Variants in C2CD3 observed in about 807,000 individuals in gnomAD.
C2CD3 encodes the protein C2 domain containing 3 centriole elongation regulator, also known as C2 domain-containing protein 3.
A neutral mutation model predicts 234.0 loss-of-function variants in C2CD3; 148 were observed. That is an observed-to-expected ratio of 0.63 (90% confidence interval 0.55 to 0.72). The LOEUF (loss-of-function observed/expected upper bound fraction) is 0.72, where lower values mean the gene tolerates loss of function less well. Among genes scored for constraint, C2CD3 ranks in the 30% least tolerant of loss-of-function variants. The pLI is 0.00. For missense variants in C2CD3, 2,577 were observed against 2,811.5 expected (o/e 0.92, Z 1.89); for synonymous variants, 1,000 against 1,035.4 (o/e 0.97, Z 0.66).
At chr11:74,124,555 T>C (rs1020984580) in intron 7 of C2CD3, among the ~76,000 whole-genome samples, 3 of 151,994 alleles carry the variant, frequency 2.0e-5, no homozygotes, top group Admixed American at 6.6e-5. Flanking sequence ...AAATGTCTCA[T>C]GGGGTTGGGG....
chr11:74,111,529 A>G (rs890887824), intron 11 of C2CD3, among the ~76,000 whole-genome samples: 1 of 152,236 alleles, frequency 6.6e-6, no homozygotes, highest in African/African-American at 2.4e-5. Context: ...CCTATCCCCA[A>G]GATATCTTAT....
chr11:74,042,444 A>G (rs1009559509), intron 28 of C2CD3, among the ~76,000 whole-genome samples: 1 of 152,100 alleles, frequency 6.6e-6, no homozygotes, highest in Non-Finnish European at 1.5e-5. Context: ...CACAACAAGC[A>G]GAGTGATTTT....
rs1049748497 is a variant in C2CD3, at chr11:74,095,496, A to G, written c.2980-88T>C. The G allele has an allele frequency of 3.0e-6, 3 of 995,272 alleles. No homozygotes were observed. In the Admixed American group the frequency reaches 7.0e-5, roughly 23 times the overall value. 61.7% of individuals were successfully genotyped at this position (995,272 alleles called of 1,614,324 possible). ...TTCTCTATGAAGTCTGAGTATAGATAAAGAGATAAGTATAATTAGTTGATA... is the reference window on the plus strand; with the variant it reads ...TTCTCTATGAAGTCTGAGTATAGATGAAGAGATAAGTATAATTAGTTGATA... On this transcript the variant is annotated intron_variant, in intron 16 of 32. Transcript: ENST00000334126.
Position 74,078,330 on chromosome 11 carries a change from A to T in C2CD3, c.4388T>A (p.Ile1463Asn), listed in dbSNP as rs755449364. ...TTTGGATGCCTTGAAAGTGACCATAATCTGCTTTTTGTTTACAGATTCCTT... is the reference window on the plus strand; with the variant it reads ...TTTGGATGCCTTGAAAGTGACCATATTCTGCTTTTTGTTTACAGATTCCTT... ...KPKESVNKKQIMVTFKASKRA... is the reference protein window; with the variant it reads ...KPKESVNKKQNMVTFKASKRA... The change falls in exon 23 of 33, where the codon ATT becomes AAT. Residue 1463 changes from isoleucine to asparagine, a missense_variant. By Grantham distance (149) the Ile-to-Asn change is moderately radical. Coordinates refer to ENST00000334126, the MANE Select transcript of C2CD3 (RefSeq NM_001286577.2). 74 of 1,614,004 alleles carry T rather than the reference A, an allele frequency of 4.6e-5. 1 individual carries two copies. Among genetic ancestry groups the T allele is most frequent in the Non-Finnish European group, 5.8e-5 (68 of 1,180,036 alleles).
chr11:74,120,202 T>C (rs1330636413), intron 8 of C2CD3, among the ~76,000 whole-genome samples: 2 of 152,064 alleles, frequency 1.3e-5, no homozygotes, highest in Non-Finnish European at 2.9e-5. Flanking sequence ...TATGTATACA[T>C]GTGCCATGTT....
chr11:74,146,389 T>C (rs1394663324), intron 3 of C2CD3, among the ~76,000 whole-genome samples: 1 of 152,182 alleles, frequency 6.6e-6, no homozygotes, highest in East Asian at 1.9e-4. Context: ...TTCTTTGTAG[T>C]TGATGAGAAC....
intron 28 of C2CD3, among the ~76,000 whole-genome samples, chr11:74,043,681 T>C (rs982415376): frequency 6.6e-6 from 1 of 152,068 alleles, no homozygotes; most frequent in Non-Finnish European, 1.5e-5. Flanking sequence ...CTAGTGGATA[T>C]AAAGTGGTAC....
intron 32 of C2CD3, among the ~76,000 whole-genome samples, chr11:74,025,298 G>A (rs1455737330): frequency 6.6e-6 from 1 of 152,100 alleles, no homozygotes; most frequent in Non-Finnish European, 1.5e-5. Context: ...AGAGTTGTGA[G>A]TGCGAAGTTT....
chr11:74,149,465 A>T (rs1855450161), intron 3 of C2CD3, among the ~76,000 whole-genome samples: 2 of 151,948 alleles, frequency 1.3e-5, no homozygotes, highest in Admixed American at 1.3e-4. Flanking sequence ...CTTCCTGAGT[A>T]GCTGGGACTG....
intron 32 of C2CD3, among the ~76,000 whole-genome samples, chr11:74,023,243 T>C (rs1952160256): frequency 2.0e-5 from 3 of 152,352 alleles, no homozygotes; most frequent in Admixed American, 1.3e-4. Context: ...CCCTCTCCTG[T>C]TTCAGGGATG....
intron 24 of C2CD3, among the ~76,000 whole-genome samples, chr11:74,064,590 T>C (rs1954416379): frequency 6.6e-6 from 1 of 151,910 alleles, no homozygotes; most frequent in East Asian, 1.9e-4. Flanking sequence ...TCATATGCAA[T>C]CAAAAAAGAG....
In C2CD3 at chr11:74,103,293, A is replaced by G. The variant is rs1478012223; in HGVS notation, c.2418T>C (p.His806=). The change falls in exon 14 of 33, where the codon CAT becomes CAC. Residue 806 remains histidine (H), a synonymous_variant. Coordinates refer to ENST00000334126, the MANE Select transcript of C2CD3 (RefSeq NM_001286577.2). ...TCCCATCTGGCACCATCAACAGCAC[A>G]TGCAACAGCAAAGCACTCTCTTTTG... ...GTTKESALLL[H]VLLMVPDGKD... is the part of the protein sequence containing the mutation. The G allele has an allele frequency of 6.2e-7, 1 of 1,614,112 alleles. No individual in the cohort carries two copies. Among genetic ancestry groups the G allele is most frequent in the African/African-American group, 1.3e-5 (1 of 74,944 alleles).
intron 23 of C2CD3, among the ~76,000 whole-genome samples, chr11:74,076,456 C>T (rs1340290664): frequency 6.6e-6 from 1 of 152,190 alleles, no homozygotes; most frequent in East Asian, 1.9e-4. Flanking sequence ...TCTAGTCTGG[C>T]TATCTCTAAT....
At chr11:74,017,444 T>C (rs928033804) in intron 32 of C2CD3, among the ~76,000 whole-genome samples, 44 of 152,316 alleles carry the variant, frequency 2.9e-4, no homozygotes, top group African/African-American at 1.0e-3. Flanking sequence ...TGATAATAGA[T>C]GTGTCTTAAA....
intron 20 of C2CD3, among the ~76,000 whole-genome samples, chr11:74,089,875 C>A (rs1955809239): frequency 6.6e-6 from 1 of 152,108 alleles, no homozygotes; most frequent in Admixed American, 6.5e-5. Context: ...TAAAGAGAGA[C>A]TGTAAAGATG....
At chr11:74,150,825 A>G (rs375011553) in intron 3 of C2CD3, among the ~76,000 whole-genome samples, 2 of 152,276 alleles carry the variant, frequency 1.3e-5, no homozygotes, top group African/African-American at 4.8e-5. Flanking sequence ...ACTTGAGTCA[A>G]CATTCTAATT....
In C2CD3 at chr11:74,139,916, C is replaced by T. The variant is rs1187641204; in HGVS notation, c.484-88G>A. ...CCCCTGCTTAATATTAATTAATGTC[C>T]CCCATTCCCTACAGGATTGTAAGGA... On this transcript the variant is annotated intron_variant, in intron 3 of 32. Transcript: ENST00000334126. 8.5e-6 allele frequency: 6 copies of T among 706,078 alleles called. No homozygotes were observed. In the East Asian group the frequency reaches 1.6e-4, roughly 19 times the overall value. 43.7% of individuals were successfully genotyped at this position (706,078 alleles called of 1,614,324 possible). A position where few individuals can be genotyped will look rare whatever the true frequency, so the allele number is the denominator to read the frequency against.
rs1167820984 is a variant in C2CD3 at position 74,085,811 on chromosome 11, G to C, written c.3717C>G (p.Leu1239=). The change falls in exon 21 of 33, where the codon CTC becomes CTG. Residue 1239 remains leucine, a synonymous_variant. Coordinates refer to ENST00000334126, the MANE Select transcript of C2CD3 (RefSeq NM_001286577.2). ...GCTGTTCTCCCTGGGGCAGGAAGGA[G>C]AGATGAGTGGTGACAGAGGCATTGA... ...VGVNASVTTH[L]SFLPQGEQRR... 1 of 1,614,048 alleles carries C rather than the reference G, an allele frequency of 6.2e-7. No homozygotes were observed. The highest frequency in any genetic ancestry group is 1.3e-5 in the African/African-American group (1 of 74,928).
chr11:74,022,111 G>A (rs1196648592), intron 32 of C2CD3, among the ~76,000 whole-genome samples: 1 of 152,086 alleles, frequency 6.6e-6, no homozygotes, highest in Non-Finnish European at 1.5e-5. Context: ...GGGCAAGAGT[G>A]AGATTCCGTC....
Sources: gnomAD v4.1 joint callset for allele counts (sites outside exome capture counted in the v4.1 genomes callset) on GRCh38, gnomAD v4.1.1 for gene constraint, MANE v1.5 for transcripts, NCBI Gene and HGNC (gene_info 2026-07-23, HGNC 2026-07-21) for gene names.